RERE: variants seen among roughly 807,000 people sequenced by gnomAD.
RERE encodes arginine-glutamic acid dipeptide repeats.
A neutral mutation model predicts 146.1 loss-of-function variants in RERE; 40 were observed. That is an observed-to-expected ratio of 0.27 (90% confidence interval 0.21 to 0.36). The LOEUF (loss-of-function observed/expected upper bound fraction) is 0.36, where lower values mean the gene tolerates loss of function less well. Ranked by LOEUF, RERE falls within the 10% of genes least tolerant of loss-of-function variation. RERE has a pLI of 1.00. For missense variants in RERE, 1,933 were observed against 2,138.7 expected (o/e 0.90, Z 1.90); for synonymous variants, 1,003 against 866.0 (o/e 1.16, Z -2.78).
intron 2 of RERE, among the ~76,000 whole-genome samples, chr1:8,636,221 C>T (rs1647100406): frequency 6.6e-6 from 1 of 152,208 alleles, no homozygotes; most frequent in Non-Finnish European, 1.5e-5. Context: ...CTCCCAACCT[C>T]AGGTGATCTA....
At chr1:8,704,874 T>G (rs1250047080) in intron 1 of RERE, among the ~76,000 whole-genome samples, 1 of 152,222 alleles carries the variant, frequency 6.6e-6, no homozygotes, top group Non-Finnish European at 1.5e-5. Flanking sequence ...TGGTCTGTAG[T>G]GCAAATCTAG....
chr1:8,397,096 G>A (rs1643081665), intron 12 of RERE, among the ~76,000 whole-genome samples: 1 of 152,198 alleles, frequency 6.6e-6, no homozygotes, highest in African/African-American at 2.4e-5. Flanking sequence ...CAGATACTGA[G>A]TCAGAAACAG....
At chr1:8,430,152 T>C (rs1450220399) in intron 11 of RERE, 2 of 152,236 alleles carry the variant, frequency 1.3e-5, no homozygotes, top group Non-Finnish European at 2.9e-5. Context: ...TAAAACATAT[T>C]TCCTTCTGGA....
chr1:8,427,833 T>C (rs1050656255), intron 11 of RERE, among the ~76,000 whole-genome samples: 1 of 152,038 alleles, frequency 6.6e-6, no homozygotes, highest in East Asian at 1.9e-4. Context: ...TAGTCAATGA[T>C]TGGAAGGGGT....
At chr1:8,450,837 T>A (rs1207081788) in intron 11 of RERE, among the ~76,000 whole-genome samples, 3 of 152,144 alleles carry the variant, frequency 2.0e-5, no homozygotes, top group African/African-American at 7.2e-5. Context: ...CTAAGTCTCT[T>A]CCTCCATCCT....
At chr1:8,786,177 AAAT>A in intron 1 of RERE, 1 of 645,690 alleles carries the variant, frequency 1.5e-6, no homozygotes, top group Non-Finnish European at 2.7e-6. Context: ...CAGACTAGAA[AAAT>A]AATTGTGGTA....
chr1:8,777,890 TAAA>T (rs36090225), intron 1 of RERE, among the ~76,000 whole-genome samples: 5 of 140,754 alleles, frequency 3.6e-5, no homozygotes, highest in Non-Finnish European at 7.8e-5. Flanking sequence ...AGTATATGGT[TAAA>T]AAAAAAAAAA....
rs931638124 is a variant in RERE at position 8,576,470 on chromosome 1, A to G, written c.523-18947T>C. 5.3e-5 allele frequency among the ~76,000 whole-genome samples: 8 copies of G among 152,246 alleles called. No individual in the cohort carries two copies. The East Asian group carries it at 9.6e-4, about 18-fold the overall frequency. ...AAAATTAGTTTCAGGAATTTAGTCC[A>G]TAATAAAGATTAAATTACAGAATAG... On this transcript the variant is annotated intron_variant, in intron 4 of 22. Transcript: ENST00000400908.
intron 1 of RERE, among the ~76,000 whole-genome samples, chr1:8,785,903 T>A (rs929179035): frequency 1.3e-5 from 2 of 152,188 alleles, no homozygotes; most frequent in Admixed American, 6.5e-5. Flanking sequence ...ATTACAGGTA[T>A]GAGCCATCGC....
intron 11 of RERE, chr1:8,465,249 C>T (rs1644580398): frequency 6.4e-6 from 1 of 156,294 alleles, no homozygotes. Context: ...TCTGTGGGCA[C>T]ATTTCTCTCC....
In RERE at chr1:8,354,923, G is replaced by C; in HGVS notation, c.*164C>G. The C allele has an allele frequency of 1.6e-6, 1 of 628,772 alleles. No individual in the cohort carries two copies. The highest frequency in any genetic ancestry group is 2.7e-6 in the Non-Finnish European group (1 of 365,012). 38.9% of individuals were successfully genotyped at this position (628,772 alleles called of 1,614,324 possible). ...GTCTCAGGAAATCCTCTCGACAAACGAACACTACTATGTGGATACATTTTT... is the reference window on the plus strand; with the variant it reads ...GTCTCAGGAAATCCTCTCGACAAACCAACACTACTATGTGGATACATTTTT... On this transcript the variant is annotated 3_prime_UTR_variant, in exon 23 of 23. Coordinates refer to ENST00000400908, the MANE Select transcript of RERE (RefSeq NM_001042681.2).
At chr1:8,636,944 C>A (rs1647109207) in intron 2 of RERE, among the ~76,000 whole-genome samples, 1 of 152,126 alleles carries the variant, frequency 6.6e-6, no homozygotes, top group South Asian at 2.1e-4. Flanking sequence ...TTTTCGGCCA[C>A]TTTACTCAAA....
chr1:8,708,212 C>A (rs565809943), intron 1 of RERE, among the ~76,000 whole-genome samples: 57 of 152,230 alleles, frequency 3.7e-4, no homozygotes, highest in African/African-American at 1.3e-3. Context: ...TGGGAAGGAC[C>A]CGGTTGGAGA....
intron 11 of RERE, chr1:8,429,695 T>A (rs777898028): frequency 5.2e-5 from 8 of 152,690 alleles, no homozygotes; most frequent in Non-Finnish European, 1.2e-4. Flanking sequence ...AAGGGACATC[T>A]ACTCAGTCCT....
intron 1 of RERE, among the ~76,000 whole-genome samples, chr1:8,772,287 C>T (rs879876528): frequency 1.2e-4 from 18 of 151,924 alleles, no homozygotes; most frequent in Admixed American, 8.5e-4. Context: ...CTTACTGCTA[C>T]TTGAGATATT....
intron 11 of RERE, among the ~76,000 whole-genome samples, chr1:8,433,652 C>G (rs1247504712): frequency 6.6e-6 from 1 of 150,670 alleles, no homozygotes; most frequent in African/African-American, 2.4e-5. Context: ...GCTCCGCTTC[C>G]CGGGTTCACG....
chr1:8,531,740 C>T (rs1645656100), intron 7 of RERE, among the ~76,000 whole-genome samples: 1 of 152,100 alleles, frequency 6.6e-6, no homozygotes, highest in Admixed American at 6.5e-5. Flanking sequence ...AATTAATTTT[C>T]CTTTTCTAAG....
At chr1:8,578,118 A>C (rs905513024) in intron 4 of RERE, among the ~76,000 whole-genome samples, 4 of 151,476 alleles carry the variant, frequency 2.6e-5, no homozygotes, top group Admixed American at 6.6e-5. Flanking sequence ...GGCGGGGGGG[A>C]GAGGAAATCA....
intron 1 of RERE, among the ~76,000 whole-genome samples, chr1:8,664,329 A>G (rs1356142213): frequency 2.0e-5 from 3 of 152,144 alleles, no homozygotes; most frequent in Admixed American, 6.5e-5. Flanking sequence ...CAACCAGTGT[A>G]GAAGTTCTGT....
Sources: gnomAD v4.1 joint callset for allele counts (sites outside exome capture counted in the v4.1 genomes callset) on GRCh38, gnomAD v4.1.1 for gene constraint, MANE v1.5 for transcripts, NCBI Gene and HGNC (gene_info 2026-07-23, HGNC 2026-07-21) for gene names.